Variants in LMBR1 observed in about 807,000 individuals in gnomAD.
LMBR1 encodes limb development membrane protein 1.
A neutral mutation model predicts 73.9 loss-of-function variants in LMBR1; 52 were observed. The ratio of observed to expected loss-of-function variants is 0.70; its 90% CI spans 0.56 to 0.89. The LOEUF (loss-of-function observed/expected upper bound fraction) is 0.89. Ranked by LOEUF, LMBR1 falls within the 40% of genes least tolerant of loss-of-function variation. LMBR1 has a pLI of 0.00. For synonymous variants in LMBR1, 215 were observed against 209.4 expected (o/e 1.03, Z -0.23); for missense variants, 539 against 579.8 (o/e 0.93, Z 0.72).
At chr7:156,867,764 G>A (rs1051626784) in intron 1 of LMBR1, among the ~76,000 whole-genome samples, 1 of 152,172 alleles carries the variant, frequency 6.6e-6, no homozygotes, top group Non-Finnish European at 1.5e-5. Flanking sequence ...TAGGGCTAGA[G>A]GAAGGAGTAT....
At chr7:156,772,289 T>A (rs1383627187) in intron 5 of LMBR1, among the ~76,000 whole-genome samples, 1 of 152,052 alleles carries the variant, frequency 6.6e-6, no homozygotes, top group Non-Finnish European at 1.5e-5. Context: ...GAAAACCACA[T>A]GATCATCTCA....
intron 15 of LMBR1, among the ~76,000 whole-genome samples, chr7:156,720,659 T>A (rs1280297393): frequency 6.6e-6 from 1 of 151,682 alleles, no homozygotes; most frequent in Non-Finnish European, 1.5e-5. Context: ...ATAACTTTAA[T>A]AAAGTTAAAT....
chr7:156,770,298 T>C lies in LMBR1; in HGVS notation c.424-6503A>G, dbSNP rs558137497. Among the ~76,000 whole-genome samples the C allele has an allele frequency of 7.7e-4, 117 of 152,212 alleles. 1 individual carries two copies. Among genetic ancestry groups the C allele is most frequent in the Middle Eastern group, 6.8e-3 (2 of 294 alleles). ...CCCCCTGAGTAGCTGGGATTACAAG[T>C]GCGCACCACCCTGCCCAACAAAATA... On this transcript the variant is annotated intron_variant, in intron 5 of 16. Coordinates refer to ENST00000353442, the MANE Select transcript of LMBR1 (RefSeq NM_022458.4).
At chr7:156,748,529 C>T (rs939246662) in intron 9 of LMBR1, among the ~76,000 whole-genome samples, 1 of 152,084 alleles carries the variant, frequency 6.6e-6, no homozygotes, top group East Asian at 1.9e-4. Context: ...TGCTCTGTTG[C>T]CCAGGCTGTA....
intron 5 of LMBR1, among the ~76,000 whole-genome samples, chr7:156,787,147 C>T (rs1828259664): frequency 6.6e-6 from 1 of 152,122 alleles, no homozygotes; most frequent in Non-Finnish European, 1.5e-5. Context: ...CTGCCCTTTG[C>T]CTGAGCGCTT....
intron 5 of LMBR1, among the ~76,000 whole-genome samples, chr7:156,788,138 C>T (rs906172623): frequency 4.6e-5 from 7 of 152,092 alleles, no homozygotes; most frequent in Non-Finnish European, 8.8e-5. Context: ...ATGTGCTATA[C>T]GAAAGTTTTC....
At chr7:156,697,165 A>G (rs1235906588) in intron 15 of LMBR1, among the ~76,000 whole-genome samples, 1 of 152,154 alleles carries the variant, frequency 6.6e-6, no homozygotes, top group East Asian at 1.9e-4. Flanking sequence ...GTTTTTATTA[A>G]GGGTTTCAAA....
chr7:156,715,558 T>C (rs971997800), intron 15 of LMBR1, among the ~76,000 whole-genome samples: 1 of 152,212 alleles, frequency 6.6e-6, no homozygotes, highest in African/African-American at 2.4e-5. Flanking sequence ...AGGAAGTATA[T>C]TCGCCATTGG....
intron 4 of LMBR1, among the ~76,000 whole-genome samples, chr7:156,805,168 T>C (rs1831785760): frequency 6.6e-6 from 1 of 151,946 alleles, no homozygotes; most frequent in South Asian, 2.1e-4. Flanking sequence ...TCCTGGACAG[T>C]CTATTCTGCT....
At chr7:156,864,042 T>C (rs1303784137) in intron 1 of LMBR1, among the ~76,000 whole-genome samples, 1 of 152,068 alleles carries the variant, frequency 6.6e-6, no homozygotes, top group Non-Finnish European at 1.5e-5. Context: ...CAATCCTAGC[T>C]ACTCGGGAGG....
At chr7:156,742,603 G>C (rs116135001) in intron 9 of LMBR1, among the ~76,000 whole-genome samples, 132 of 152,170 alleles carry the variant, frequency 8.7e-4, no homozygotes, top group African/African-American at 3.1e-3. Flanking sequence ...TAAGTAACGA[G>C]ATCAAACCTG....
At chr7:156,742,750 A>C (rs1819125951) in intron 9 of LMBR1, among the ~76,000 whole-genome samples, 1 of 152,196 alleles carries the variant, frequency 6.6e-6, no homozygotes, top group African/African-American at 2.4e-5. Context: ...AAATACTTCC[A>C]AACTCTTGTT....
chr7:156,713,368 T>A (rs1278658184), intron 15 of LMBR1, among the ~76,000 whole-genome samples: 4 of 152,134 alleles, frequency 2.6e-5, no homozygotes, highest in African/African-American at 9.7e-5. Context: ...ACACCAGGAA[T>A]GAACCCTAAC....
At chr7:156,816,644 C>T (rs1050978148) in intron 4 of LMBR1, among the ~76,000 whole-genome samples, 6 of 152,128 alleles carry the variant, frequency 3.9e-5, no homozygotes, top group African/African-American at 1.4e-4. Context: ...ACTCAACTTA[C>T]GCTAATCTAA....
At chr7:156,778,660 C>T (rs1196271677) in intron 5 of LMBR1, among the ~76,000 whole-genome samples, 1 of 152,152 alleles carries the variant, frequency 6.6e-6, no homozygotes, top group Non-Finnish European at 1.5e-5. Flanking sequence ...AGTAAATATA[C>T]AAGTACTCAA....
chr7:156,727,466 T>TGTA (rs1489557059), intron 12 of LMBR1, among the ~76,000 whole-genome samples: 1 of 152,136 alleles, frequency 6.6e-6, no homozygotes, highest in Non-Finnish European at 1.5e-5. Context: ...AAGATAAGAC[T>TGTA]GTACATGGCA....
At chr7:156,821,803 T>C (rs959281840) in intron 4 of LMBR1, among the ~76,000 whole-genome samples, 2 of 152,102 alleles carry the variant, frequency 1.3e-5, no homozygotes, top group African/African-American at 4.8e-5. Context: ...CATTGCCCAA[T>C]GGGCTCAGGA....
At chr7:156,801,551 C>G (rs189679731) in intron 4 of LMBR1, among the ~76,000 whole-genome samples, 39 of 152,294 alleles carry the variant, frequency 2.6e-4, no homozygotes, top group Admixed American at 2.3e-3. Flanking sequence ...AGGCATTGTT[C>G]TGGATACGTT....
chr7:156,806,058 T>C (rs1347427810), intron 4 of LMBR1, among the ~76,000 whole-genome samples: 1 of 152,206 alleles, frequency 6.6e-6, no homozygotes, highest in Admixed American at 6.5e-5. Context: ...TGTTTTGTAT[T>C]GTAAGCCACC....
Sources: allele counts gnomAD v4.1 joint callset (sites outside exome capture counted in the v4.1 genomes callset), GRCh38; gene constraint gnomAD v4.1.1; transcripts MANE v1.5; gene names NCBI Gene and HGNC (gene_info 2026-07-23, HGNC 2026-07-21).